The following FNBP1 variants were observed in gnomAD, a reference collection of about 807,000 sequenced individuals.
FNBP1 encodes formin-binding protein 1.
A neutral mutation model predicts 90.6 loss-of-function variants in FNBP1; 26 were observed. The ratio of observed to expected loss-of-function variants is 0.29; its 90% confidence interval spans 0.21 to 0.40. The LOEUF is 0.40. Among genes scored for constraint, FNBP1 ranks in the 10% least tolerant of loss-of-function variants. The pLI is 1.00. For synonymous variants in FNBP1, 260 were observed against 265.2 expected, an observed-to-expected ratio of 0.98 and a Z score of 0.19; for missense variants, 635 against 768.0, an observed-to-expected ratio of 0.83 and a Z score of 2.05.
chr9:130,035,685 G>A (rs2059246120), intron 1 of FNBP1, among the ~76,000 whole-genome samples: 1 of 152,222 alleles, frequency 6.6e-6, no homozygotes, highest in Non-Finnish European at 1.5e-5. Context: ...GGTGGCTCAT[G>A]CCTGTAATCC....
At chr9:129,919,624 A>C (rs543975286) in intron 10 of FNBP1, among the ~76,000 whole-genome samples, 1 of 152,328 alleles carries the variant, frequency 6.6e-6, no homozygotes, top group East Asian at 1.9e-4. Flanking sequence ...AACAAATAAC[A>C]TTTTATCCTG....
chr9:130,052,961 C>G, the FNBP1 span, among the ~76,000 whole-genome samples: 1 of 151,652 alleles, frequency 6.6e-6, no homozygotes, highest in African/African-American at 2.4e-5. Context: ...ACTAAAAATA[C>G]AAAAATTAGC....
chr9:129,963,700 C>T (rs1236154244), intron 4 of FNBP1, among the ~76,000 whole-genome samples: 8 of 149,762 alleles, frequency 5.3e-5, no homozygotes, highest in Non-Finnish European at 1.0e-4. Context: ...CTGCAACTTC[C>T]GCCTCCTGGG....
rs139478100 is a variant in FNBP1, at chr9:129,987,707, G to T, written c.140+7136C>A. Among the ~76,000 whole-genome samples the T allele has an allele frequency of 6.4e-3, 969 of 151,922 alleles. 4 individuals are homozygous for T. Among genetic ancestry groups the T allele is most frequent in the East Asian group, 0.014 (72 of 5,152 alleles). ...AGAGAGACGGGGTTTCACCATGTTG[G>T]CCAGGCTGGTCTCAAACTCCCAACA... On this transcript the variant is annotated intron_variant, in intron 2 of 16. Coordinates refer to ENST00000446176, the MANE Select transcript of FNBP1 (RefSeq NM_015033.3).
At chr9:129,994,373 G>A (rs138311203) in intron 2 of FNBP1, among the ~76,000 whole-genome samples, 1,591 of 152,188 alleles carry the variant, frequency 0.01, 10 homozygotes, top group Middle Eastern at 0.027. Flanking sequence ...ACTAATCCAC[G>A]CGGTTAGAAG....
At chr9:129,963,080 CT>C (rs1193724784) in intron 4 of FNBP1, among the ~76,000 whole-genome samples, 8 of 152,188 alleles carry the variant, frequency 5.3e-5, no homozygotes, top group Non-Finnish European at 1.0e-4. Context: ...AAAAGTTTTA[CT>C]TTGAGATTCA....
intron 16 of FNBP1, among the ~76,000 whole-genome samples, chr9:129,892,345 T>C (rs979487909): frequency 2.8e-5 from 4 of 144,070 alleles, no homozygotes; most frequent in African/African-American, 5.3e-5. Context: ...ATTTTGGCAA[T>C]TATTAAATAA....
In FNBP1 at chr9:129,889,786, A is replaced by G. The variant is rs1242205051; in HGVS notation, c.*753T>C. 1 of 232,340 alleles carries G rather than the reference A, an allele frequency of 4.3e-6. No individual in the cohort carries two copies. The highest frequency in any genetic ancestry group is 5.6e-5 in the Admixed American group (1 of 17,714). The allele number at this position is 232,340 out of a possible 1,614,324, so 14.4% of individuals were successfully genotyped here. ...CATGGCCGGTGGACACAGGCGAGTC[A>G]ACAAGGCGAGCTGGAATTCGACTTC... On this transcript the variant is annotated 3_prime_UTR_variant, in exon 17 of 17. Transcript: ENST00000446176.
At chr9:129,997,321 A>T (rs1227427010) in intron 1 of FNBP1, among the ~76,000 whole-genome samples, 1 of 152,122 alleles carries the variant, frequency 6.6e-6, no homozygotes, top group Admixed American at 6.5e-5. Flanking sequence ...GAATGAGACT[A>T]TGTCTCAAAA....
At chr9:129,964,971 A>G (rs2048342813) in intron 4 of FNBP1, among the ~76,000 whole-genome samples, 2 of 152,332 alleles carry the variant, frequency 1.3e-5, no homozygotes, top group African/African-American at 2.4e-5. Context: ...CAAAGAAACA[A>G]AAAGACTTGA....
intron 4 of FNBP1, among the ~76,000 whole-genome samples, chr9:129,968,224 G>A (rs902331664): frequency 2.6e-5 from 4 of 151,808 alleles, no homozygotes; most frequent in South Asian, 2.1e-4. Context: ...GTGAAACCTC[G>A]TCTGTACTAA....
chr9:129,979,412 AAG>A (rs2050833491), intron 2 of FNBP1, 38 bp from the exon 3 acceptor site: 1 of 1,387,650 alleles, frequency 7.2e-7, no homozygotes, highest in Non-Finnish European at 1.0e-6. Context: ...TTTATATAGA[AAG>A]AGAATTAAGA....
At chr9:130,039,228 T>C (rs1160146030) in intron 1 of FNBP1, among the ~76,000 whole-genome samples, 5 of 152,248 alleles carry the variant, frequency 3.3e-5, no homozygotes, top group African/African-American at 7.2e-5. Flanking sequence ...TCTTTCAATG[T>C]ATATAATGTA....
intron 1 of FNBP1, among the ~76,000 whole-genome samples, chr9:130,022,315 C>T (rs1489571794): frequency 2.0e-5 from 3 of 152,072 alleles, no homozygotes; most frequent in Non-Finnish European, 2.9e-5. Flanking sequence ...AGCAATTCTC[C>T]TGCCTCAGCC....
In FNBP1 at chr9:129,929,581, G is replaced by C; in HGVS notation, c.628C>G (p.Pro210Ala). Reference protein sequence around the residue: ...EQHEYYHTHIPNIFQKIQEME... With the variant: ...EQHEYYHTHIANIFQKIQEME... ...TCAGGACTTACCTGGAAGATGTTGG[G>C]GATGTGAGTATGGTAATATTCATGC... Residue 210 changes from proline to alanine, a missense_variant, in exon 7 of 17, where the codon CCC becomes GCC. Coordinates refer to ENST00000446176, the MANE Select transcript of FNBP1 (RefSeq NM_015033.3). The C allele has an allele frequency of 6.2e-7, 1 of 1,613,708 alleles. No homozygotes were observed. The highest frequency in any genetic ancestry group is 1.1e-5 in the South Asian group (1 of 91,028).
At chr9:129,937,086 C>T (rs2043579803) in intron 6 of FNBP1, among the ~76,000 whole-genome samples, 1 of 151,942 alleles carries the variant, frequency 6.6e-6, no homozygotes, top group Non-Finnish European at 1.5e-5. Flanking sequence ...AGGAGAATTG[C>T]TTGAACCCGG....
intron 15 of FNBP1, among the ~76,000 whole-genome samples, chr9:129,898,190 A>G (rs770250526): frequency 6.6e-6 from 1 of 152,096 alleles, no homozygotes; most frequent in African/African-American, 2.4e-5. Context: ...TCTGACGATG[A>G]CTTTCCTAAG....
chr9:130,009,365 A>C (rs2056229480), intron 1 of FNBP1, among the ~76,000 whole-genome samples: 1 of 152,186 alleles, frequency 6.6e-6, no homozygotes, highest in Non-Finnish European at 1.5e-5. Context: ...CTAAAAGGTA[A>C]AAATTGCTAA....
In FNBP1 at chr9:129,888,858, T is replaced by C. The variant is rs371735587; in HGVS notation, c.*1681A>G. On this transcript the variant is annotated 3_prime_UTR_variant, in exon 17 of 17. Coordinates refer to ENST00000446176, the MANE Select transcript of FNBP1 (RefSeq NM_015033.3). ...CCTGTCCTTTCCGTCCCTGTCCCTT[T>C]GGCTTCTATAGGACTTCCTTGTCTT... The C allele has an allele frequency of 1.3e-5, 3 of 232,450 alleles. No individual in the cohort carries two copies. The highest frequency in any genetic ancestry group is 2.6e-5 in the Non-Finnish European group (3 of 117,616). 14.4% of individuals were successfully genotyped at this position (232,450 alleles called of 1,614,324 possible).
Sources: allele counts gnomAD v4.1 joint callset (sites outside exome capture counted in the v4.1 genomes callset), GRCh38; gene constraint gnomAD v4.1.1; transcripts MANE v1.5; gene names NCBI Gene and HGNC (gene_info 2026-07-23, HGNC 2026-07-21).